Variants in RBMS3 observed in about 807,000 individuals in gnomAD.
RBMS3 encodes RNA binding motif single stranded interacting protein 3, also known as RNA-binding motif, single-stranded-interacting protein 3.
RBMS3 carries 27 observed loss-of-function variants against 66.8 expected under a neutral mutation model. The observed-to-expected ratio is 0.40, with a 90% CI of 0.30 to 0.56. The LOEUF is 0.56. RBMS3 is among the 20% of genes least tolerant of loss of function. The pLI, the probability that RBMS3 is intolerant of heterozygous loss-of-function variation, is 0.40. For synonymous variants in RBMS3, 188 were observed against 183.0 expected (o/e 1.03, Z -0.22); for missense variants, 513 against 549.5 (o/e 0.93, Z 0.66).
chr3:29,339,886 G>A (rs954217593), intron 1 of RBMS3, among the ~76,000 whole-genome samples: 1 of 152,098 alleles, frequency 6.6e-6, no homozygotes, highest in African/African-American at 2.4e-5. Context: ...ATGCATCAGT[G>A]TAGGGTGAGC....
At chr3:29,659,570 A>G (rs1257498387) in intron 4 of RBMS3, among the ~76,000 whole-genome samples, 3 of 152,156 alleles carry the variant, frequency 2.0e-5, no homozygotes, top group African/African-American at 7.2e-5. Context: ...TTTTCTTCCT[A>G]TGGTTGAATA....
chr3:29,767,488 T>C (rs1456820446), intron 6 of RBMS3: 3 of 151,986 alleles, frequency 2.0e-5, no homozygotes, highest in Non-Finnish European at 2.9e-5. Context: ...TTTAAAAATT[T>C]AACAACTCTT....
chr3:29,382,417 C>T (rs1170731224), intron 1 of RBMS3, among the ~76,000 whole-genome samples: 1 of 152,160 alleles, frequency 6.6e-6, no homozygotes, highest in Non-Finnish European at 1.5e-5. Flanking sequence ...TGATTTCTTC[C>T]TCAACGCTTA....
At chr3:29,393,653 T>C (rs189808802) in intron 1 of RBMS3, among the ~76,000 whole-genome samples, 1 of 150,004 alleles carries the variant, frequency 6.7e-6, no homozygotes, top group Admixed American at 6.6e-5. Context: ...CAGCCCCCAG[T>C]ATTTCAACGT....
intron 4 of RBMS3, among the ~76,000 whole-genome samples, chr3:29,736,434 G>A (rs994419900): frequency 8.5e-4 from 130 of 152,294 alleles, no homozygotes; most frequent in African/African-American, 2.8e-3. Context: ...CAATACTCAG[G>A]GAATTTGGAA....
intron 6 of RBMS3, among the ~76,000 whole-genome samples, 200 bp from the exon 7 acceptor site, chr3:29,868,658 T>C (rs973227160): frequency 1.3e-5 from 2 of 152,212 alleles, no homozygotes; most frequent in Non-Finnish European, 2.9e-5. Flanking sequence ...TATTCTTTTA[T>C]GATCTGCCAG....
At chr3:29,788,600 T>G (rs1559672982) in intron 6 of RBMS3, among the ~76,000 whole-genome samples, 1 of 152,200 alleles carries the variant, frequency 6.6e-6, no homozygotes. Flanking sequence ...ATTGAACATA[T>G]GTACAATATT....
chr3:29,807,017 A>G (rs2057572069), intron 6 of RBMS3, among the ~76,000 whole-genome samples: 1 of 151,936 alleles, frequency 6.6e-6, no homozygotes, highest in Non-Finnish European at 1.5e-5. Flanking sequence ...GACTATATGC[A>G]TTATTAATCT....
intron 1 of RBMS3, among the ~76,000 whole-genome samples, chr3:29,428,618 C>T (rs2041055782): frequency 6.6e-6 from 1 of 151,170 alleles, no homozygotes; most frequent in Admixed American, 6.6e-5. Flanking sequence ...TTTCTCCAAA[C>T]CTACATACCC....
chr3:29,976,085 A>G (rs2149771384), intron 12 of RBMS3, among the ~76,000 whole-genome samples: 1 of 151,998 alleles, frequency 6.6e-6, no homozygotes, highest in African/African-American at 2.4e-5. Context: ...TGATATATAT[A>G]TATGTAGTAT....
At chr3:29,639,178 T>A (rs1455259677) in intron 4 of RBMS3, among the ~76,000 whole-genome samples, 1 of 151,832 alleles carries the variant, frequency 6.6e-6, no homozygotes, top group African/African-American at 2.4e-5. Context: ...TTCCAAGCGA[T>A]TTAACTTAAT....
intron 6 of RBMS3, among the ~76,000 whole-genome samples, chr3:29,829,531 A>T (rs2058307429): frequency 1.3e-5 from 2 of 152,174 alleles, no homozygotes. Flanking sequence ...CCAACACAAC[A>T]GTCTTCTTTT....
chr3:29,808,050 A>G (rs2057613276), intron 6 of RBMS3, among the ~76,000 whole-genome samples: 1 of 151,934 alleles, frequency 6.6e-6, no homozygotes, highest in Non-Finnish European at 1.5e-5. Context: ...CTTCTCCAAC[A>G]CCAGGTTTAC....
At chr3:29,367,701 A>G (rs1187176769) in intron 1 of RBMS3, among the ~76,000 whole-genome samples, 11 of 152,314 alleles carry the variant, frequency 7.2e-5, no homozygotes, top group Non-Finnish European at 4.4e-5. Flanking sequence ...CCTATAAAGA[A>G]CATGTATCAC....
chr3:29,986,705 G>A lies in RBMS3; in HGVS notation c.1099-1438G>A, dbSNP rs182093211. Among the ~76,000 whole-genome samples, 9 of 152,320 alleles carry A rather than the reference G, an allele frequency of 5.9e-5. No individual in the cohort carries two copies. The East Asian group carries it at 1.7e-3, about 29-fold the overall frequency. The stretch of plus-strand genomic sequence containing the variant: ...CACCTGTAATCCTAGCACTCTGGGA[G>A]GCTGAGGCAGGTGGATCACTTGAGG... On this transcript the variant is annotated intron_variant, in intron 12 of 14. Coordinates refer to ENST00000383767, the MANE Select transcript of RBMS3 (RefSeq NM_001003793.3).
Position 29,897,469 on chromosome 3 carries a change from A to G in RBMS3, c.882A>G (p.Thr294=), listed in dbSNP as rs777084340. The change falls in exon 9 of 15, where the codon ACA becomes ACG. Residue 294 remains threonine (T), a synonymous_variant. Coordinates refer to ENST00000383767, the MANE Select transcript of RBMS3 (RefSeq NM_001003793.3). ...TCATTGCTGCTTCCCCTGTCTCCAC[A>G]TACCAGGTATGTCCAATTTACCTGC... ...TPFIAASPVS[T]YQVQSTSWMP... is the part of the protein sequence containing the mutation. 1.2e-6 allele frequency: 2 copies of G among 1,610,150 alleles called. No individual in the cohort carries two copies. The highest frequency in any genetic ancestry group is 1.7e-5 in the Admixed American group (1 of 59,756).
chr3:29,506,987 TA>T (rs1162362664), intron 3 of RBMS3, among the ~76,000 whole-genome samples: 1 of 151,362 alleles, frequency 6.6e-6, no homozygotes, highest in Non-Finnish European at 1.5e-5. Context: ...TTGGTCTAGC[TA>T]AAGGTTTGTC....
At chr3:29,346,181 T>C (rs2125547615) in intron 1 of RBMS3, among the ~76,000 whole-genome samples, 1 of 152,260 alleles carries the variant, frequency 6.6e-6, no homozygotes, top group East Asian at 1.9e-4. Context: ...TTTACTTGCA[T>C]ATTGCTTCTC....
At chr3:29,339,236 C>G (rs2125533568) in intron 1 of RBMS3, among the ~76,000 whole-genome samples, 1 of 152,344 alleles carries the variant, frequency 6.6e-6, no homozygotes, top group East Asian at 1.9e-4. Context: ...TTCACCGACA[C>G]TAAATTCACT....
Sources: gnomAD v4.1 joint callset for allele counts (sites outside exome capture counted in the v4.1 genomes callset) on GRCh38, gnomAD v4.1.1 for gene constraint, MANE v1.5 for transcripts, NCBI Gene and HGNC (gene_info 2026-07-23, HGNC 2026-07-21) for gene names.